TRAF3: variants seen among roughly 807,000 people sequenced by gnomAD.
The protein encoded by TRAF3 is TNF receptor-associated factor 3.
Under a neutral mutation model 62.3 loss-of-function variants are expected in TRAF3, and 13 were observed. That is an observed-to-expected ratio of 0.21 (90% confidence interval 0.14 to 0.33). The LOEUF is 0.33. Ranked by LOEUF, TRAF3 falls within the 10% of genes least tolerant of loss-of-function variation. TRAF3 has a pLI of 1.00. For synonymous variants in TRAF3, 269 were observed against 283.4 expected (o/e 0.95, Z 0.51); for missense variants, 440 against 741.8 (o/e 0.59, Z 4.73).
At chr14:102,904,002 A>G (rs1451801109) in intron 11 of TRAF3, 3 of 359,052 alleles carry the variant, frequency 8.4e-6, no homozygotes, top group Admixed American at 7.3e-5. Context: ...AGGAGAGGGG[A>G]GCAGCTTCGC....
chr14:102,844,929 G>A (rs557685815), intron 2 of TRAF3, among the ~76,000 whole-genome samples: 7 of 151,692 alleles, frequency 4.6e-5, no homozygotes, highest in Non-Finnish European at 1.0e-4. Flanking sequence ...ACGGAGTCTC[G>A]CACTGTTGCC....
chr14:102,835,427 C>T (rs1885939316), intron 2 of TRAF3, among the ~76,000 whole-genome samples: 1 of 152,150 alleles, frequency 6.6e-6, no homozygotes, highest in Non-Finnish European at 1.5e-5. Flanking sequence ...ATAAATTGTT[C>T]TACCATAAAG....
intron 1 of TRAF3, among the ~76,000 whole-genome samples, chr14:102,795,983 G>C (rs1242657760): frequency 6.6e-6 from 1 of 152,200 alleles, no homozygotes; most frequent in Non-Finnish European, 1.5e-5. Flanking sequence ...TTGGGAGGCT[G>C]AGGCGGGCGG....
intron 2 of TRAF3, among the ~76,000 whole-genome samples, chr14:102,861,568 A>T (rs1173444672): frequency 2.0e-5 from 3 of 152,150 alleles, no homozygotes; most frequent in African/African-American, 7.2e-5. Context: ...TCAGTGCTGC[A>T]GTCTATTTCC....
intron 2 of TRAF3, among the ~76,000 whole-genome samples, chr14:102,858,345 G>A (rs987993922): frequency 6.6e-6 from 1 of 152,100 alleles, no homozygotes; most frequent in Non-Finnish European, 1.5e-5. Context: ...TAGAGACGGG[G>A]TTTCACCACA....
At chr14:102,886,983 G>A (rs962395774) in intron 7 of TRAF3, among the ~76,000 whole-genome samples, 2 of 152,210 alleles carry the variant, frequency 1.3e-5, no homozygotes, top group African/African-American at 4.8e-5. Context: ...GTGGAGGACA[G>A]CTCCCACATT....
At chr14:102,838,776 G>C (rs1886184589) in intron 2 of TRAF3, among the ~76,000 whole-genome samples, 1 of 152,180 alleles carries the variant, frequency 6.6e-6, no homozygotes, top group Non-Finnish European at 1.5e-5. Context: ...GGAAGCAGCA[G>C]ATGTAAAGGG....
intron 2 of TRAF3, among the ~76,000 whole-genome samples, chr14:102,831,295 C>A (rs909046237): frequency 2.6e-5 from 4 of 152,146 alleles, no homozygotes; most frequent in African/African-American, 9.7e-5. Flanking sequence ...GTGAGGAAAC[C>A]CATGTCGCCC....
intron 1 of TRAF3, among the ~76,000 whole-genome samples, chr14:102,780,626 T>C (rs1428200189): frequency 6.6e-6 from 1 of 152,114 alleles, no homozygotes; most frequent in Non-Finnish European, 1.5e-5. Flanking sequence ...TTGGTTTCTA[T>C]CAACTTTAGG....
intron 1 of TRAF3, among the ~76,000 whole-genome samples, chr14:102,828,391 G>A (rs1466267233): frequency 1.3e-5 from 2 of 152,172 alleles, no homozygotes; most frequent in Non-Finnish European, 2.9e-5. Flanking sequence ...GATAATGAAG[G>A]TAATACTCCT....
In TRAF3 at chr14:102,783,554, G is replaced by A. The variant is rs2140058697; in HGVS notation, c.-157+5879G>A. ...TGTGACTTTCCCCTTAGTGGGAGGGGGTTTGGTATGCCCATTAAGTTTTAT... is the reference window on the plus strand; with the variant it reads ...TGTGACTTTCCCCTTAGTGGGAGGGAGTTTGGTATGCCCATTAAGTTTTAT... On this transcript the variant is annotated intron_variant, in intron 1 of 11. Coordinates refer to ENST00000392745, the MANE Select transcript of TRAF3 (RefSeq NM_145725.3). Among the ~76,000 whole-genome samples, 3 of 152,194 alleles carry A rather than the reference G, an allele frequency of 2.0e-5. No homozygotes were observed. In the South Asian group the frequency reaches 6.2e-4, roughly 32 times the overall value.
At chr14:102,815,734 G>A (rs1899478851) in intron 1 of TRAF3, among the ~76,000 whole-genome samples, 1 of 152,218 alleles carries the variant, frequency 6.6e-6, no homozygotes, top group African/African-American at 2.4e-5. Flanking sequence ...AGTTCTACAT[G>A]TCTGGGGAGG....
In TRAF3 at chr14:102,840,148, G is replaced by A. The variant is rs980725649; in HGVS notation, c.-18+9676G>A. On this transcript the variant is annotated intron_variant, in intron 2 of 11. Coordinates refer to ENST00000392745, the MANE Select transcript of TRAF3 (RefSeq NM_145725.3). ...AGGGACACCCAAAATCTCAGTAATC[G>A]AGATTATTAATATTTTAATGCAGTG... Among the ~76,000 whole-genome samples the A allele has an allele frequency of 4.6e-5, 7 of 152,180 alleles. No individual in the cohort carries two copies. The East Asian group carries it at 7.7e-4, about 17-fold the overall frequency.
intron 2 of TRAF3, among the ~76,000 whole-genome samples, chr14:102,867,941 C>T (rs993132231): frequency 2.6e-5 from 4 of 152,224 alleles, no homozygotes; most frequent in Admixed American, 6.5e-5. Flanking sequence ...CTGCTGCCGG[C>T]GTTCATTCCT....
chr14:102,900,518 G>A (rs1219980389), intron 10 of TRAF3, among the ~76,000 whole-genome samples: 23 of 152,216 alleles, frequency 1.5e-4, no homozygotes, highest in African/African-American at 4.8e-5. Flanking sequence ...AAAGAAGATA[G>A]CATAGGTGCG....
intron 7 of TRAF3, among the ~76,000 whole-genome samples, chr14:102,887,394 G>GGGCC (rs763775524): frequency 2.6e-5 from 4 of 152,250 alleles, no homozygotes; most frequent in Non-Finnish European, 5.9e-5. Flanking sequence ...GGGTAGAGGA[G>GGGCC]GGCCCAGAGA....
chr14:102,843,544 T>A (rs1399880084), intron 2 of TRAF3, among the ~76,000 whole-genome samples: 1 of 152,132 alleles, frequency 6.6e-6, no homozygotes, highest in Non-Finnish European at 1.5e-5. Flanking sequence ...CACTGTGTTC[T>A]CCAGGCTGGT....
At chr14:102,828,070 C>T (rs1900433511) in intron 1 of TRAF3, among the ~76,000 whole-genome samples, 1 of 152,266 alleles carries the variant, frequency 6.6e-6, no homozygotes, top group Admixed American at 6.5e-5. Flanking sequence ...CCCCGCACGG[C>T]CAGTTGTCAC....
intron 4 of TRAF3, among the ~76,000 whole-genome samples, chr14:102,872,765 C>A (rs1000203947): frequency 6.6e-6 from 1 of 151,670 alleles, no homozygotes; most frequent in Non-Finnish European, 1.5e-5. Context: ...GATCTTGGCT[C>A]GCTGCAGCCT....
Sources: allele counts gnomAD v4.1 joint callset (sites outside exome capture counted in the v4.1 genomes callset), GRCh38; gene constraint gnomAD v4.1.1; transcripts MANE v1.5; gene names NCBI Gene and HGNC (gene_info 2026-07-23, HGNC 2026-07-21).